OPCML: variants seen among roughly 807,000 people sequenced by gnomAD.
The protein encoded by OPCML is opioid binding protein/cell adhesion molecule like.
OPCML carries 13 observed loss-of-function variants against 37.8 expected under a neutral mutation model. The ratio of observed to expected loss-of-function variants is 0.34; its 90% confidence interval spans 0.22 to 0.55. The LOEUF is 0.55. Among genes scored for constraint, OPCML ranks in the 20% least tolerant of loss-of-function variants. OPCML has a pLI of 0.91. For synonymous variants in OPCML, 176 were observed against 168.8 expected (o/e 1.04, Z -0.33); for missense variants, 341 against 435.6 (o/e 0.78, Z 1.93).
chr11:133,450,736 G>A (rs929861993), intron 1 of OPCML, among the ~76,000 whole-genome samples: 1 of 151,640 alleles, frequency 6.6e-6, no homozygotes, highest in African/African-American at 2.4e-5. Context: ...AGTGAAGACA[G>A]TATAGGCAAA....
At chr11:133,394,005 T>C (rs1261818827) in intron 1 of OPCML, among the ~76,000 whole-genome samples, 1 of 152,140 alleles carries the variant, frequency 6.6e-6, no homozygotes, top group East Asian at 1.9e-4. Flanking sequence ...TTCCTACACT[T>C]TAGTGTGCCC....
chr11:132,768,521 C>A (rs1433556463), intron 2 of OPCML, among the ~76,000 whole-genome samples: 1 of 152,198 alleles, frequency 6.6e-6, no homozygotes, highest in South Asian at 2.1e-4. Context: ...CATATATCTA[C>A]ACTGAGTGCT....
intron 1 of OPCML, among the ~76,000 whole-genome samples, chr11:133,172,693 TC>T (rs1950304043): frequency 6.6e-6 from 1 of 152,130 alleles, no homozygotes; most frequent in South Asian, 2.1e-4. Flanking sequence ...GAAAACTCAG[TC>T]CTTTTTTTAA....
At position 132,657,302 on chromosome 11, in the gene OPCML, C is replaced by T. The variant is rs201425009; in HGVS notation, c.164G>A (p.Arg55Gln). The T allele has an allele frequency of 5.1e-5, 82 of 1,614,148 alleles. No individual in the cohort carries two copies. The African/African-American group carries it at 6.0e-4, about 12-fold the overall frequency. Reference sequence around the variant, plus strand: ...GTTTAGCCAGGCCACCCGGGTTACCCGGTCATCTATGGTACACCTGCAGTG... The same window carrying T: ...GTTTAGCCAGGCCACCCGGGTTACCTGGTCATCTATGGTACACCTGCAGTG... ...SATLRCTIDDRVTRVAWLNRS... is the reference protein window; with the variant it reads ...SATLRCTIDDQVTRVAWLNRS... The change falls in exon 3 of 8, where the codon CGG becomes CAG. Residue 55 changes from arginine to glutamine, a missense_variant. Coordinates refer to ENST00000524381, the MANE Select transcript of OPCML (RefSeq NM_001012393.5).
At chr11:132,954,129 T>C (rs1368345857) in intron 1 of OPCML, among the ~76,000 whole-genome samples, 1 of 151,794 alleles carries the variant, frequency 6.6e-6, no homozygotes. Flanking sequence ...CTTGGGTTTT[T>C]TGTTTGTTTT....
chr11:133,099,151 T>C (rs1949048406), intron 1 of OPCML, among the ~76,000 whole-genome samples: 1 of 152,074 alleles, frequency 6.6e-6, no homozygotes, highest in Admixed American at 6.5e-5. Flanking sequence ...AAATTCCATA[T>C]GAAGAAAACT....
intron 2 of OPCML, among the ~76,000 whole-genome samples, chr11:132,889,274 T>C (rs865804739): frequency 1.3e-5 from 2 of 152,178 alleles, no homozygotes; most frequent in Non-Finnish European, 2.9e-5. Flanking sequence ...AAACACCCCT[T>C]ACATCCTCCT....
intron 4 of OPCML, among the ~76,000 whole-genome samples, chr11:132,523,710 A>G (rs2096300402): frequency 6.6e-6 from 1 of 152,218 alleles, no homozygotes; most frequent in Non-Finnish European, 1.5e-5. Context: ...GATACAATCG[A>G]TATGTATAAT....
chr11:132,835,665 G>A lies in OPCML; in HGVS notation c.146+107261C>T, dbSNP rs534893136. Among the ~76,000 whole-genome samples the A allele has an allele frequency of 1.4e-4, 21 of 152,296 alleles. No homozygotes were observed. In the South Asian group the frequency reaches 3.9e-3, roughly 29 times the overall value. Reference sequence around the variant, plus strand: ...GTGTTTTACTTATTTGTGAATCCCTGGACCCTAGAAGAGGCCCTAACACAC... The same window carrying A: ...GTGTTTTACTTATTTGTGAATCCCTAGACCCTAGAAGAGGCCCTAACACAC... On this transcript the variant is annotated intron_variant, in intron 2 of 7. Coordinates refer to ENST00000524381, the MANE Select transcript of OPCML (RefSeq NM_001012393.5).
At chr11:132,726,048 C>T (rs1008427088) in intron 2 of OPCML, among the ~76,000 whole-genome samples, 4 of 152,168 alleles carry the variant, frequency 2.6e-5, no homozygotes, top group Admixed American at 1.3e-4. Flanking sequence ...AACTTTGCCA[C>T]GTTTTCCTGT....
chr11:132,567,586 C>A (rs577530999), intron 3 of OPCML, among the ~76,000 whole-genome samples: 1 of 151,960 alleles, frequency 6.6e-6, no homozygotes, highest in South Asian at 2.1e-4. Flanking sequence ...TATTATATTG[C>A]TCGGGCAGGG....
chr11:133,422,722 A>G (rs1945918024), intron 1 of OPCML: 1 of 978,850 alleles, frequency 1.0e-6, no homozygotes, highest in African/African-American at 1.7e-5. Context: ...AAACTTTCTC[A>G]TATTTCCAGT....
intron 1 of OPCML, among the ~76,000 whole-genome samples, chr11:133,384,437 C>G (rs1239249253): frequency 1.3e-5 from 2 of 152,102 alleles, no homozygotes; most frequent in Non-Finnish European, 2.9e-5. Flanking sequence ...GTATTAACAT[C>G]TCATTCAACC....
chr11:132,569,308 G>C (rs2096431841), intron 3 of OPCML, among the ~76,000 whole-genome samples: 1 of 152,192 alleles, frequency 6.6e-6, no homozygotes. Flanking sequence ...GCAGGGAGAA[G>C]ATGGCCATCA....
In OPCML at chr11:133,460,556, A is replaced by G. The variant is rs138647575; in HGVS notation, c.61+71708T>C. On this transcript the variant is annotated intron_variant, in intron 1 of 7. Coordinates refer to ENST00000524381, the MANE Select transcript of OPCML (RefSeq NM_001012393.5). ...AATAGAAAAGATTATAAGGAGTACT[A>G]TAAACGATTGTACACTAAGAAATTG... Among the ~76,000 whole-genome samples, 585 of 152,030 alleles carry G rather than the reference A, an allele frequency of 3.8e-3. 5 individuals are homozygous for G. Among genetic ancestry groups the G allele is most frequent in the African/African-American group, 0.013 (549 of 41,566 alleles).
intron 1 of OPCML, among the ~76,000 whole-genome samples, chr11:133,020,484 G>T (rs1282418591): frequency 6.6e-6 from 1 of 152,162 alleles, no homozygotes; most frequent in Admixed American, 6.5e-5. Flanking sequence ...TGAGACATTG[G>T]CTCAGCACTG....
intron 1 of OPCML, among the ~76,000 whole-genome samples, chr11:132,973,830 T>A (rs1441802468): frequency 6.6e-6 from 1 of 152,202 alleles, no homozygotes; most frequent in Non-Finnish European, 1.5e-5. Flanking sequence ...CAGATGATCA[T>A]CTTCTACTTA....
chr11:133,095,284 T>TTC (rs1948982723), intron 1 of OPCML, among the ~76,000 whole-genome samples: 1 of 143,236 alleles, frequency 7.0e-6, no homozygotes, highest in Non-Finnish European at 1.5e-5. Context: ...AATGTTTTTT[T>TTC]TTTTTTTTTT....
chr11:132,854,073 C>T (rs575494489), intron 2 of OPCML, among the ~76,000 whole-genome samples: 1 of 152,332 alleles, frequency 6.6e-6, no homozygotes, highest in Non-Finnish European at 1.5e-5. Flanking sequence ...TTTGGTCTGA[C>T]AAACAACTAT....
Sources: gnomAD v4.1 joint callset for allele counts (sites outside exome capture counted in the v4.1 genomes callset) on GRCh38, gnomAD v4.1.1 for gene constraint, MANE v1.5 for transcripts, NCBI Gene and HGNC (gene_info 2026-07-23, HGNC 2026-07-21) for gene names.